Variants in TUBA1B observed in about 807,000 individuals in gnomAD.
TUBA1B encodes the protein tubulin alpha-1B chain.
In TUBA1B, 1 loss-of-function variant was observed where a neutral mutation model predicts 34.4. The ratio of observed to expected loss-of-function variants is 0.03; its 90% CI spans 0.01 to 0.14. The LOEUF (loss-of-function observed/expected upper bound fraction) is 0.14, where lower values mean the gene tolerates loss of function less well. Ranked by LOEUF, TUBA1B falls within the 10% of genes least tolerant of loss-of-function variation. The pLI is 1.00. For synonymous variants in TUBA1B, 197 were observed against 212.5 expected (o/e 0.93, Z 0.64); for missense variants, 54 against 583.6 (o/e 0.09, Z 9.35).
chr12:49,129,002 T>C, intron 3 of TUBA1B, 64 bp from the exon 4 acceptor site: 1 of 1,542,702 alleles, frequency 6.5e-7, no homozygotes. Flanking sequence ...AATTTCTATT[T>C]CAACTTTTTA....
rs140801740 is a variant in TUBA1B at position 49,128,976 on chromosome 12, G to A, written c.376-38C>T. The A allele has an allele frequency of 8.8e-5, 138 of 1,562,386 alleles. No homozygotes were observed. The highest frequency in any genetic ancestry group is 1.4e-4 in the African/African-American group (10 of 72,758). On this transcript the variant is annotated intron_variant, in intron 3 of 3. Coordinates refer to ENST00000336023, the MANE Select transcript of TUBA1B (RefSeq NM_006082.3). The surrounding 1 kb of genome is among the most constrained non-coding windows in gnomAD (Gnocchi z 8.1). ...AAAAAAATGTAATATTTTAATGCCA[G>A]GACACATTATCTTAGAATTTCTATT... is the stretch of plus-strand genomic sequence containing the variant.
In TUBA1B at chr12:49,129,740, G is replaced by T. The variant is rs3842281; in HGVS notation, c.4-18C>A. The T allele has an allele frequency of 5.0e-6, 8 of 1,612,600 alleles. No individual in the cohort carries two copies. Among genetic ancestry groups the T allele is most frequent in the East Asian group, 2.2e-5 (1 of 44,842 alleles). On this transcript the variant is annotated intron_variant, in intron 1 of 3. Transcript: ENST00000336023. The stretch of plus-strand genomic sequence containing the variant: ...CACTCACGCTGCGGGAAGGAAAAAA[G>T]ATATCACAATTTAAACCAATCTATT...
chr12:49,130,298 G>A, intron 1 of TUBA1B: 2 of 1,289,234 alleles, frequency 1.6e-6, no homozygotes, highest in Non-Finnish European at 2.0e-6. Flanking sequence ...CACGTGGCCA[G>A]ACCAGCGCAG....
At chr12:49,129,112 C>G (rs1941773218) in intron 3 of TUBA1B, 130 bp downstream of exon 3, 1 of 1,569,584 alleles carries the variant, frequency 6.4e-7, no homozygotes, top group Non-Finnish European at 8.7e-7. Context: ...TTTAGAAGTC[C>G]AATTAATATA....
At chr12:49,129,032 C>T in intron 3 of TUBA1B, 94 bp from the exon 4 acceptor site, 2 of 1,521,754 alleles carry the variant, frequency 1.3e-6, no homozygotes, top group South Asian at 1.3e-5. Context: ...CCATATCTCA[C>T]TGATGTAAGC....
rs1232321936 is a variant in TUBA1B at position 49,128,948 on chromosome 12, A to G, written c.376-10T>C. On this transcript the variant is annotated splice_polypyrimidine_tract_variant and intron_variant, in intron 3 of 3. Coordinates refer to ENST00000336023, the MANE Select transcript of TUBA1B (RefSeq NM_006082.3). The surrounding 1 kb of genome is among the most constrained non-coding windows in gnomAD (Gnocchi z 8.1). ...CGGTGCACTGGTCAGCCTGTAGGGG[A>G]ATAAAAAAATGTAATATTTTAATGC... 6.3e-7 allele frequency: 1 copy of G among 1,578,598 alleles called. No individual in the cohort carries two copies. Among genetic ancestry groups the G allele is most frequent in the Admixed American group, 2.0e-5 (1 of 50,944 alleles).
intron 1 of TUBA1B, chr12:49,130,337 G>A (rs1403212196): frequency 1.6e-6 from 2 of 1,289,102 alleles, no homozygotes; most frequent in African/African-American, 3.0e-5. Context: ...GGGACAAGGG[G>A]CGGGGCTCTG....
At chr12:49,129,861 C>CA in intron 1 of TUBA1B, 139 bp from the exon 2 acceptor site, 1 of 1,388,854 alleles carries the variant, frequency 7.2e-7, no homozygotes, top group Non-Finnish European at 9.7e-7. Flanking sequence ...GCCATCTAGG[C>CA]TCACTGCAGC....
At chr12:49,130,268 G>A in intron 1 of TUBA1B, 3 of 1,289,118 alleles carry the variant, frequency 2.3e-6, no homozygotes, top group African/African-American at 1.5e-5. Context: ...ACATTTCCGG[G>A]CAGCTCCTAG....
At chr12:49,130,579 C>T in intron 1 of TUBA1B, 2 of 350,402 alleles carry the variant, frequency 5.7e-6, no homozygotes, top group South Asian at 4.2e-5. Flanking sequence ...AAATCCCTTA[C>T]TGCCACCACC....
In TUBA1B at chr12:49,127,938, G is replaced by A. The variant is rs192333165; in HGVS notation, c.*20C>T. 1.9e-4 allele frequency: 313 copies of A among 1,613,936 alleles called. 1 individual carries two copies. Among genetic ancestry groups the A allele is most frequent in the East Asian group, 1.6e-3 (72 of 44,894 alleles). Reference sequence around the variant, plus strand: ...AATTCTGGGAGCATGACATGCTGCAGGGCCAAAAGGAATGGATAATTAGTA... The same window carrying A: ...AATTCTGGGAGCATGACATGCTGCAAGGCCAAAAGGAATGGATAATTAGTA... On this transcript the variant is annotated 3_prime_UTR_variant, in exon 4 of 4. Coordinates refer to ENST00000336023, the MANE Select transcript of TUBA1B (RefSeq NM_006082.3).
In TUBA1B at chr12:49,129,546, C is replaced by T. The variant is rs1158607769; in HGVS notation, c.180G>A (p.Lys60=). ...NTFFSETGAG[K]HVPRAVFVDL... ...CTACAAACACAGCCCGGGGCACGTG[C>T]TTGCCAGCGCCCGTCTCACTGAAGA... The change falls in exon 2 of 4, where the codon AAG becomes AAA. Residue 60 remains lysine, a synonymous_variant. Transcript: ENST00000336023. 1.2e-6 allele frequency: 2 copies of T among 1,614,194 alleles called. No homozygotes were observed. Among genetic ancestry groups the T allele is most frequent in the South Asian group, 1.1e-5 (1 of 91,076 alleles).
At chr12:49,131,009 A>G (rs768822317) in intron 1 of TUBA1B, 9 of 403,158 alleles carry the variant, frequency 2.2e-5, no homozygotes, top group Non-Finnish European at 3.8e-5. Context: ...CCCAGGACAC[A>G]GTTACGCGAC....
At position 49,127,857 on chromosome 12, in the gene TUBA1B, A is replaced by C; in HGVS notation, c.*101T>G. 6.4e-7 allele frequency: 1 copy of C among 1,550,682 alleles called. No homozygotes were observed. Among genetic ancestry groups the C allele is most frequent in the Non-Finnish European group, 8.8e-7 (1 of 1,134,858 alleles). On this transcript the variant is annotated 3_prime_UTR_variant, in exon 4 of 4. Coordinates refer to ENST00000336023, the MANE Select transcript of TUBA1B (RefSeq NM_006082.3). ...TACACATGGAAAAGACATGATCACC[A>C]AGTGAAAACAATCTAACCAGAAAGC... is the stretch of plus-strand genomic sequence containing the variant.
rs1432888216 is a variant in TUBA1B, at chr12:49,128,991, G to A, written c.376-53C>T. Reference sequence around the variant, plus strand: ...TTTAATGCCAGGACACATTATCTTAGAATTTCTATTTCAACTTTTTAGATT... The same window carrying A: ...TTTAATGCCAGGACACATTATCTTAAAATTTCTATTTCAACTTTTTAGATT... On this transcript the variant is annotated intron_variant, in intron 3 of 3. Coordinates refer to ENST00000336023, the MANE Select transcript of TUBA1B (RefSeq NM_006082.3). The surrounding 1 kb of genome is among the most constrained non-coding windows in gnomAD (Gnocchi z 8.1). 8 of 1,548,370 alleles carry A rather than the reference G, an allele frequency of 5.2e-6. No homozygotes were observed. The highest frequency in any genetic ancestry group is 2.2e-5 in the East Asian group (1 of 44,446).
At chr12:49,130,436 G>A (rs778792277) in intron 1 of TUBA1B, 2 of 1,126,222 alleles carry the variant, frequency 1.8e-6, no homozygotes, top group South Asian at 1.3e-5. Flanking sequence ...GTCTGCAAAG[G>A]CGCTGCCCAA....
chr12:49,131,027 A>C, intron 1 of TUBA1B: 1 of 437,718 alleles, frequency 2.3e-6, no homozygotes, highest in Non-Finnish European at 4.3e-6. Flanking sequence ...GACAAAAGAG[A>C]GCTCCGGATA....
In TUBA1B at chr12:49,131,333, G is replaced by A; in HGVS notation, c.-33C>T. 12 of 1,610,262 alleles carry A rather than the reference G, an allele frequency of 7.5e-6. No individual in the cohort carries two copies. Among genetic ancestry groups the A allele is most frequent in the South Asian group, 3.3e-5 (3 of 90,360 alleles). On this transcript the variant is annotated 5_prime_UTR_variant, in exon 1 of 4. Transcript: ENST00000336023. ...AGGGATTAGGAGGCGAAGGCGACAG[G>A]AGCAGACACCGGGTCCCGGTTACCG...
chr12:49,129,194 C>A, intron 3 of TUBA1B, 48 bp downstream of exon 3: 1 of 1,612,386 alleles, frequency 6.2e-7, no homozygotes, highest in Non-Finnish European at 8.5e-7. Flanking sequence ...CCAACTTGCA[C>A]TGGAACTATC....
Sources: gnomAD v4.1 joint callset for allele counts on GRCh38, gnomAD v4.1.1 for gene constraint, Gnocchi (gnomAD v3.1) non-coding constraint, MANE v1.5 for transcripts, NCBI Gene and HGNC (gene_info 2026-07-23, HGNC 2026-07-21) for gene names.